DOC2B: variants seen among roughly 807,000 people sequenced by gnomAD.
The protein encoded by DOC2B is double C2 domain beta.
DOC2B carries 21 observed loss-of-function variants against 28.9 expected under a neutral mutation model. That is an observed-to-expected ratio of 0.73 (90% CI 0.52 to 1.05). The LOEUF (loss-of-function observed/expected upper bound fraction) is 1.05. DOC2B is among the 50% of genes least tolerant of loss of function. The pLI is 0.00. For missense variants in DOC2B, 384 were observed against 421.1 expected, an observed-to-expected ratio of 0.91 and a Z score of 0.77; for synonymous variants, 194 against 178.1, an observed-to-expected ratio of 1.09 and a Z score of -0.71.
chr17:147,582 AG>A lies in DOC2B; in HGVS notation c.1103-6del. On this transcript the variant is annotated splice_polypyrimidine_tract_variant and splice_region_variant and intron_variant, in intron 8 of 8. Coordinates refer to ENST00000613549, the MANE Select transcript of DOC2B (RefSeq NM_003585.5). The stretch of plus-strand genomic sequence containing the variant: ...GGATGCCCAGAACCACACCACCTGC[AG>A]GAGGACAGGAGGGGCAGCTGGGGCA... 2.5e-6 allele frequency: 1 copy of A among 398,842 alleles called. No homozygotes were observed. Among genetic ancestry groups the A allele is most frequent in the East Asian group, 3.6e-5 (1 of 28,070 alleles). 24.7% of individuals were successfully genotyped at this position (398,842 alleles called of 1,614,324 possible).
At chr17:164,332 G>A (rs374948306) in intron 2 of DOC2B, 128 bp from the exon 3 acceptor site, 16 of 693,110 alleles carry the variant, frequency 2.3e-5, no homozygotes, top group South Asian at 1.0e-4. Flanking sequence ...AGAAGCCCCC[G>A]GGCCCCACAC....
intron 2 of DOC2B, among the ~76,000 whole-genome samples, chr17:169,203 G>T (rs1026268463): frequency 6.6e-6 from 1 of 152,066 alleles, no homozygotes; most frequent in Non-Finnish European, 1.5e-5. Context: ...GACATTCTGC[G>T]GAGTGAAAGA....
Position 147,405 on chromosome 17 carries a change from G to C in DOC2B, c.*36C>G, listed in dbSNP as rs1402895367. 1 of 398,720 alleles carries C rather than the reference G, an allele frequency of 2.5e-6. No homozygotes were observed. The highest frequency in any genetic ancestry group is 2.1e-5 in the African/African-American group (1 of 48,624). 24.7% of individuals were successfully genotyped at this position (398,720 alleles called of 1,614,324 possible). On this transcript the variant is annotated 3_prime_UTR_variant, in exon 9 of 9. Coordinates refer to ENST00000613549, the MANE Select transcript of DOC2B (RefSeq NM_003585.5). ...AAGCCCGGGGCCGGCCGTGCTGGGC[G>C]CAGGTGGCGGCAGGGGTAGCAGTGG...
Position 147,296 on chromosome 17 carries a change from C to T in DOC2B, c.*145G>A, listed in dbSNP as rs1199727783. On this transcript the variant is annotated 3_prime_UTR_variant, in exon 9 of 9. Coordinates refer to ENST00000613549, the MANE Select transcript of DOC2B (RefSeq NM_003585.5). ...GGCTGAGCCCTCCACATCCTCCGAG[C>T]GGGGACTGCAGTGGCTCTGTGTCCA... 10 of 396,664 alleles carry T rather than the reference C, an allele frequency of 2.5e-5. No individual in the cohort carries two copies. The highest frequency in any genetic ancestry group is 1.3e-4 in the Admixed American group (3 of 22,692). The allele number at this position is 396,664 out of a possible 1,614,324, so 24.6% of individuals were successfully genotyped here.
chr17:161,518 T>C lies in DOC2B; in HGVS notation c.662A>G (p.Lys221Arg), dbSNP rs1555523241. 1 of 1,551,692 alleles carries C rather than the reference T, an allele frequency of 6.4e-7. No homozygotes were observed. Among genetic ancestry groups the C allele is most frequent in the East Asian group, 2.4e-5 (1 of 40,904 alleles). The change falls in exon 5 of 9, where the codon AAA becomes AGA. Residue 221 changes from lysine (K) to arginine (R), a missense_variant. Physicochemically the swap from Lys to Arg is conservative, Grantham distance 26. Transcript: ENST00000613549. ...TLRISVCDEDKFRHNEFIGET... is the reference protein window; with the variant it reads ...TLRISVCDEDRFRHNEFIGET... ...CCCGATGAACTCATTGTGCCGGAAT[T>C]TGTCCTCGTCACACACAGAGATCCT...
chr17:163,279 A>T (rs1012340066), intron 3 of DOC2B, among the ~76,000 whole-genome samples: 25 of 152,100 alleles, frequency 1.6e-4, no homozygotes, highest in African/African-American at 5.5e-4. Flanking sequence ...GGGCATCAAG[A>T]CCCTGTGTGG....
intron 3 of DOC2B, among the ~76,000 whole-genome samples, chr17:162,920 TC>T (rs2040221881): frequency 6.6e-6 from 1 of 152,120 alleles, no homozygotes; most frequent in African/African-American, 2.4e-5. Context: ...TGCCACTCCC[TC>T]CTCCTGTGCC....
intron 1 of DOC2B, among the ~76,000 whole-genome samples, chr17:180,115 T>A (rs1462802898): frequency 6.6e-6 from 1 of 152,100 alleles, no homozygotes; most frequent in African/African-American, 2.4e-5. Context: ...AGGGCTGGGG[T>A]TTGACGAGAC....
intron 1 of DOC2B, among the ~76,000 whole-genome samples, chr17:180,192 C>T (rs945250464): frequency 6.6e-6 from 1 of 152,240 alleles, no homozygotes; most frequent in Non-Finnish European, 1.5e-5. Flanking sequence ...TTCTCACATG[C>T]CATCCCCACC....
chr17:161,295 C>T, intron 5 of DOC2B, 120 bp downstream of exon 5: 2 of 1,089,538 alleles, frequency 1.8e-6, no homozygotes, highest in South Asian at 1.5e-5. Context: ...GCTCACCTCC[C>T]CGGTCTCCCC....
chr17:148,164 C>T lies in DOC2B; in HGVS notation c.1102+9G>A, dbSNP rs9286394. 0.95 allele frequency: 380,217 copies of T among 398,440 alleles called. 181,456 individuals carry two copies. The highest frequency in any genetic ancestry group is 1 in the East Asian group (28,021 of 28,026). The allele number at this position is 398,440 out of a possible 1,614,324, so 24.7% of individuals were successfully genotyped here. A position where few individuals can be genotyped will look rare whatever the true frequency, so the allele number is the denominator to read the frequency against. On this transcript the variant is annotated intron_variant, in intron 8 of 8. Transcript: ENST00000613549. The stretch of plus-strand genomic sequence containing the variant: ...ACAGTGAGACGGTGTTCCCACTATG[C>T]CCCCTTACCAATGAAATCGTTGGAT...
rs1189532104 is a variant in DOC2B at position 145,308 on chromosome 17, C to A, written c.*2133G>T. Reference sequence around the variant, plus strand: ...AGAGGGAAGGGACTGGGGGTACCGACCCCCAGAGAGAGAAAGCGGCAGTCA... The same window carrying A: ...AGAGGGAAGGGACTGGGGGTACCGAACCCCAGAGAGAGAAAGCGGCAGTCA... On this transcript the variant is annotated 3_prime_UTR_variant, in exon 9 of 9. Coordinates refer to ENST00000613549, the MANE Select transcript of DOC2B (RefSeq NM_003585.5). The A allele has an allele frequency of 9.2e-5, 14 of 152,260 alleles. No homozygotes were observed. The highest frequency in any genetic ancestry group is 3.4e-4 in the African/African-American group (14 of 41,430). 9.4% of individuals were successfully genotyped at this position (152,260 alleles called of 1,614,324 possible).
intron 2 of DOC2B, among the ~76,000 whole-genome samples, chr17:169,676 G>A (rs1295184689): frequency 3.9e-5 from 6 of 152,084 alleles, no homozygotes. Context: ...GGCAAACTGA[G>A]ACTGACCCTT....
At position 153,811 on chromosome 17, in the gene DOC2B, C is replaced by T. The variant is rs151047802; in HGVS notation, c.923+2409G>A. Among the ~76,000 whole-genome samples, 189 of 152,084 alleles carry T rather than the reference C, an allele frequency of 1.2e-3. 1 individual carries two copies. The highest frequency in any genetic ancestry group is 2.1e-3 in the Non-Finnish European group (146 of 68,006). On this transcript the variant is annotated intron_variant, in intron 6 of 8. Coordinates refer to ENST00000613549, the MANE Select transcript of DOC2B (RefSeq NM_003585.5). ...AATCAGAAGAAAAAACATATATATA[C>T]GCAAACCAGTATCCTACTGTGTGTG...
At chr17:163,273 A>T (rs1241386999) in intron 3 of DOC2B, among the ~76,000 whole-genome samples, 1 of 152,104 alleles carries the variant, frequency 6.6e-6, no homozygotes, top group Non-Finnish European at 1.5e-5. Flanking sequence ...GCATAAGGGC[A>T]TCAAGACCCT....
Position 177,012 on chromosome 17 carries a change from T to A in DOC2B, c.373+4095A>T, listed in dbSNP as rs1947933768. On this transcript the variant is annotated intron_variant, in intron 1 of 8. Transcript: ENST00000613549. ...TGGACTTTCCTGACACCCTTGGGAA[T>A]AGGAAATCTGCCCTGATTTTTTTTT... 2.7e-5 allele frequency among the ~76,000 whole-genome samples: 4 copies of A among 146,600 alleles called. No individual in the cohort carries two copies. The South Asian group carries it at 6.5e-4, about 24-fold the overall frequency.
chr17:170,455 C>T (rs1427006079), intron 2 of DOC2B, among the ~76,000 whole-genome samples: 3 of 152,120 alleles, frequency 2.0e-5, no homozygotes, highest in African/African-American at 7.2e-5. Context: ...GAGCATGCTG[C>T]CAAGGGCAGC....
intron 2 of DOC2B, among the ~76,000 whole-genome samples, chr17:169,407 A>G (rs2040286486): frequency 6.6e-6 from 1 of 151,702 alleles, no homozygotes; most frequent in Non-Finnish European, 1.5e-5. Flanking sequence ...TGCAAGCTGA[A>G]GAGGGCTCTG....
intron 1 of DOC2B, among the ~76,000 whole-genome samples, chr17:175,857 C>T (rs62055008): frequency 0.045 from 6,893 of 152,326 alleles, 177 homozygotes; most frequent in Non-Finnish European, 0.062. Context: ...GCGATCTTCT[C>T]CAACTGCCTG....
Sources: allele counts gnomAD v4.1 joint callset (sites outside exome capture counted in the v4.1 genomes callset), GRCh38; gene constraint gnomAD v4.1.1; transcripts MANE v1.5; gene names NCBI Gene and HGNC (gene_info 2026-07-23, HGNC 2026-07-21).